The following SORCS2 variants were observed in gnomAD, a reference collection of about 807,000 sequenced individuals.
The protein encoded by SORCS2 is sortilin related VPS10 domain containing receptor 2, also known as VPS10 domain-containing receptor SorCS2.
Under a neutral mutation model 141.6 loss-of-function variants are expected in SORCS2, and 100 were observed. That is an observed-to-expected ratio of 0.71 (90% CI 0.60 to 0.83). SORCS2 has a LOEUF of 0.83. SORCS2 is among the 40% of genes least tolerant of loss of function. SORCS2 has a pLI of 0.00. For synonymous variants in SORCS2, 789 were observed against 676.9 expected (o/e 1.17, Z -2.57); for missense variants, 1,646 against 1,560.2 (o/e 1.05, Z -0.93).
chr4:7,258,255 T>G (rs543194673), intron 1 of SORCS2, among the ~76,000 whole-genome samples: 4 of 152,334 alleles, frequency 2.6e-5, no homozygotes, highest in Admixed American at 6.5e-5. Context: ...CCCATCAACT[T>G]GTCATCTACA....
chr4:7,213,713 C>G (rs529675214), intron 1 of SORCS2, among the ~76,000 whole-genome samples: 1 of 152,150 alleles, frequency 6.6e-6, no homozygotes, highest in Non-Finnish European at 1.5e-5. Flanking sequence ...GAGTTCTCCC[C>G]CTGGGAACAG....
rs545112528 is a variant in SORCS2, at chr4:7,283,623, G to T, written c.480+90497G>T. The stretch of plus-strand genomic sequence containing the variant: ...AGTTTTGCAAAGTGGTCTCTGACCT[G>T]TGCCTGCCCTTGTGGGGTGACATTG... On this transcript the variant is annotated intron_variant, in intron 1 of 26. Coordinates refer to ENST00000507866, the MANE Select transcript of SORCS2 (RefSeq NM_020777.3). 7.2e-5 allele frequency among the ~76,000 whole-genome samples: 11 copies of T among 152,320 alleles called. No homozygotes were observed. The East Asian group carries it at 2.1e-3, about 29-fold the overall frequency.
At chr4:7,357,014 G>A (rs1231892114) in intron 1 of SORCS2, among the ~76,000 whole-genome samples, 2 of 152,212 alleles carry the variant, frequency 1.3e-5, no homozygotes, top group Admixed American at 1.3e-4. Context: ...GAGCCTCACT[G>A]TAGAGCTGGG....
chr4:7,493,704 C>A (rs1161743659), intron 2 of SORCS2, among the ~76,000 whole-genome samples: 19 of 152,126 alleles, frequency 1.2e-4, no homozygotes, highest in Admixed American at 1.2e-3. Context: ...GGGCTGGGCT[C>A]CAGCTGGTCA....
chr4:7,369,910 A>G (rs1722140790), intron 1 of SORCS2, among the ~76,000 whole-genome samples: 2 of 151,934 alleles, frequency 1.3e-5, no homozygotes, highest in African/African-American at 4.8e-5. Flanking sequence ...CCCCCTCCCC[A>G]TGTTCCTGCC....
chr4:7,472,606 G>A lies in SORCS2; in HGVS notation c.549-58924G>A, dbSNP rs554672302. 1.8e-4 allele frequency among the ~76,000 whole-genome samples: 27 copies of A among 152,250 alleles called. No homozygotes were observed. In the East Asian group the frequency reaches 5.0e-3, roughly 28 times the overall value. On this transcript the variant is annotated intron_variant, in intron 2 of 26. Transcript: ENST00000507866. ...GACCCTCTCCCTCCTGCCCCCTGCC[G>A]AATGTTTCTTTCACACACGCCGCGC...
At chr4:7,712,610 G>A (rs1725897250) in intron 14 of SORCS2, 123 bp from the exon 15 acceptor site, 1 of 1,403,274 alleles carries the variant, frequency 7.1e-7, no homozygotes, top group Non-Finnish European at 9.9e-7. Context: ...AGCAAGGGCA[G>A]GAGAAGGATA....
Position 7,424,435 on chromosome 4 carries a change from A to C in SORCS2, c.548+28080A>C, listed in dbSNP as rs563032932. On this transcript the variant is annotated intron_variant, in intron 2 of 26. Transcript: ENST00000507866. ...CCCTCTGGCATCACTGCCTCTGTCC[A>C]CCCAGTGTGAACGCTGTGCCCAGCC... is the stretch of plus-strand genomic sequence containing the variant. 2.0e-5 allele frequency among the ~76,000 whole-genome samples: 3 copies of C among 152,312 alleles called. No homozygotes were observed. The East Asian group carries it at 5.8e-4, about 29-fold the overall frequency.
chr4:7,372,656 A>G (rs756135980), intron 1 of SORCS2, among the ~76,000 whole-genome samples: 1 of 152,228 alleles, frequency 6.6e-6, no homozygotes, highest in Non-Finnish European at 1.5e-5. Flanking sequence ...CGATAAATGC[A>G]TACACTCATG....
intron 1 of SORCS2, among the ~76,000 whole-genome samples, chr4:7,390,743 G>A (rs1223654465): frequency 6.6e-6 from 1 of 152,182 alleles, no homozygotes; most frequent in East Asian, 1.9e-4. Flanking sequence ...CGTTCCTGGT[G>A]GATGCTGGTT....
chr4:7,403,989 ATATATATATTTTTTTTTTT>A (rs1360258082), intron 2 of SORCS2, among the ~76,000 whole-genome samples: 17 of 7,764 alleles, frequency 2.2e-3, no homozygotes, highest in Non-Finnish European at 6.8e-3. Context: ...ATATATATAT[ATATATATATTTTTTTTTTT>A]TTTTTAGTAT....
chr4:7,634,230 C>G (rs1720083351), intron 3 of SORCS2, among the ~76,000 whole-genome samples: 1 of 152,076 alleles, frequency 6.6e-6, no homozygotes, highest in African/African-American at 2.4e-5. Context: ...AAAAATTAGC[C>G]AGGCATGGTG....
intron 1 of SORCS2, among the ~76,000 whole-genome samples, chr4:7,363,165 A>G (rs1029334428): frequency 2.0e-5 from 3 of 148,194 alleles, no homozygotes; most frequent in East Asian, 4.1e-4. Flanking sequence ...CACCACCACT[A>G]CCACCATTAC....
chr4:7,498,455 A>G (rs888365712), intron 2 of SORCS2, among the ~76,000 whole-genome samples: 8 of 152,238 alleles, frequency 5.3e-5, no homozygotes, highest in African/African-American at 1.9e-4. Flanking sequence ...CTGGGCGACA[A>G]CACCTCTGAG....
At chr4:7,717,949 C>T (rs1726302262) in intron 17 of SORCS2, 63 bp from the exon 18 acceptor site, 8 of 1,481,844 alleles carry the variant, frequency 5.4e-6, no homozygotes, top group Non-Finnish European at 7.2e-6. Flanking sequence ...CCTCCCCAGA[C>T]TATGGGGCCC....
At position 7,251,196 on chromosome 4, in the gene SORCS2, G is replaced by T. The variant is rs184049629; in HGVS notation, c.480+58070G>T. Among the ~76,000 whole-genome samples, 139 of 152,278 alleles carry T rather than the reference G, an allele frequency of 9.1e-4. 1 individual carries two copies. Among genetic ancestry groups the T allele is most frequent in the South Asian group, 2.3e-3 (11 of 4,820 alleles). Reference sequence around the variant, plus strand: ...CATCATGGAAAGTTTCAAGGGTAGTGGCCAGCTTCAGGTGTGGCTTGTTCC... The same window carrying T: ...CATCATGGAAAGTTTCAAGGGTAGTTGCCAGCTTCAGGTGTGGCTTGTTCC... On this transcript the variant is annotated intron_variant, in intron 1 of 26. Transcript: ENST00000507866.
At chr4:7,630,897 C>A (rs1166166596) in intron 3 of SORCS2, among the ~76,000 whole-genome samples, 1 of 152,048 alleles carries the variant, frequency 6.6e-6, no homozygotes, top group Non-Finnish European at 1.5e-5. Flanking sequence ...GACACCAATC[C>A]TTAGGGCTAA....
At chr4:7,739,497 G>C (rs578143533) in intron 26 of SORCS2, among the ~76,000 whole-genome samples, 94 of 152,326 alleles carry the variant, frequency 6.2e-4, no homozygotes, top group African/African-American at 2.0e-3. Context: ...GTCCACGCCA[G>C]CCTTGCCAAT....
intron 3 of SORCS2, among the ~76,000 whole-genome samples, chr4:7,553,834 G>C (rs950930097): frequency 4.6e-5 from 7 of 152,224 alleles, no homozygotes; most frequent in African/African-American, 1.7e-4. Flanking sequence ...TGGGAGGAGA[G>C]ACAGCTGGGC....
Sources: allele counts gnomAD v4.1 joint callset (sites outside exome capture counted in the v4.1 genomes callset), GRCh38; gene constraint gnomAD v4.1.1; transcripts MANE v1.5; gene names NCBI Gene and HGNC (gene_info 2026-07-23, HGNC 2026-07-21).